Variants in MYCBP2 observed in about 807,000 individuals in gnomAD.
MYCBP2 encodes E3 ubiquitin-protein ligase MYCBP2.
Under a neutral mutation model 525.3 loss-of-function variants are expected in MYCBP2, and 120 were observed. That is an observed-to-expected ratio of 0.23 (90% CI 0.20 to 0.27). The LOEUF (loss-of-function observed/expected upper bound fraction) is 0.27. Ranked by LOEUF, MYCBP2 falls within the 10% of genes least tolerant of loss-of-function variation. MYCBP2 has a pLI of 1.00. For synonymous variants in MYCBP2, 1,894 were observed against 1,955.8 expected (o/e 0.97, Z 0.83); for missense variants, 4,149 against 5,657.1 (o/e 0.73, Z 8.55).
chr13:77,253,021 A>T (rs115438215), intron 14 of MYCBP2, among the ~76,000 whole-genome samples: 1 of 152,184 alleles, frequency 6.6e-6, no homozygotes, highest in Admixed American at 6.5e-5. Context: ...ACCAGGCTAC[A>T]TTCATCAAAA....
chr13:77,224,477 C>T lies in MYCBP2; in HGVS notation c.2913G>A (p.Gln971=), dbSNP rs776143027. 6.2e-7 allele frequency: 1 copy of T among 1,609,586 alleles called. No individual in the cohort carries two copies. The highest frequency in any genetic ancestry group is 8.5e-7 in the Non-Finnish European group (1 of 1,177,528). The change falls in exon 20 of 83, where the codon CAG becomes CAA. Residue 971 remains glutamine (Q), a synonymous_variant. Transcript: ENST00000544440. Reference sequence around the variant, plus strand: ...TGGAGTTGACATCTCCATGTCCTAGCTGCCCATGCTGCCCATAACCAAATG... The same window carrying T: ...TGGAGTTGACATCTCCATGTCCTAGTTGCCCATGCTGCCCATAACCAAATG... ...VYTFGYGQHG[Q]LGHGDVNSRG...
At chr13:77,095,642 C>T (rs373238281) in intron 57 of MYCBP2, 40 bp from the exon 58 acceptor site, 35 of 1,587,842 alleles carry the variant, frequency 2.2e-5, no homozygotes, top group African/African-American at 2.7e-5. Context: ...TTCTGACTTA[C>T]ATTAAAATCC....
At chr13:77,220,903 C>T (rs2065455581) in intron 20 of MYCBP2, among the ~76,000 whole-genome samples, 1 of 152,178 alleles carries the variant, frequency 6.6e-6, no homozygotes, top group Non-Finnish European at 1.5e-5. Flanking sequence ...TCCGTTGTAG[C>T]TCTGCCCACA....
chr13:77,067,991 A>G, intron 70 of MYCBP2, 127 bp from the exon 71 acceptor site: 4 of 862,222 alleles, frequency 4.6e-6, no homozygotes, highest in Non-Finnish European at 6.9e-6. Flanking sequence ...GCAGTGGAGC[A>G]ACCACAGCTC....
At chr13:77,313,061 G>T (rs2080467732) in intron 1 of MYCBP2, among the ~76,000 whole-genome samples, 1 of 151,570 alleles carries the variant, frequency 6.6e-6, no homozygotes, top group Non-Finnish European at 1.5e-5. Context: ...ATCATACAAG[G>T]TTTATATTAG....
At chr13:77,213,705 TA>T (rs1443816254) in intron 21 of MYCBP2, among the ~76,000 whole-genome samples, 1 of 152,170 alleles carries the variant, frequency 6.6e-6, no homozygotes, top group Non-Finnish European at 1.5e-5. Context: ...TTTAAATTCA[TA>T]AAAGTTCACA....
intron 62 of MYCBP2, among the ~76,000 whole-genome samples, chr13:77,083,868 C>T (rs1418723076): frequency 1.3e-5 from 2 of 152,110 alleles, no homozygotes; most frequent in Non-Finnish European, 2.9e-5. Flanking sequence ...AGATGCCCTC[C>T]CACTGGCAAT....
At chr13:77,050,208 A>G (rs1417705811) in intron 82 of MYCBP2, among the ~76,000 whole-genome samples, 1 of 152,158 alleles carries the variant, frequency 6.6e-6, no homozygotes, top group East Asian at 1.9e-4. Context: ...TTTGAGAGGC[A>G]CTATTAAGCT....
chr13:77,325,859 A>G lies in MYCBP2; in HGVS notation c.302+615T>C, dbSNP rs1340644481. On this transcript the variant is annotated intron_variant, in intron 1 of 82. Coordinates refer to ENST00000544440, the MANE Select transcript of MYCBP2 (RefSeq NM_015057.5). ...TCAGACACCTTTCGCATCCACACAG[A>G]TCTCCATCTGCGTCCCTTATTCATA... is the stretch of plus-strand genomic sequence containing the variant. Among the ~76,000 whole-genome samples the G allele has an allele frequency of 2.0e-5, 3 of 152,090 alleles. No individual in the cohort carries two copies. In the South Asian group the frequency reaches 6.2e-4, roughly 32 times the overall value.
At chr13:77,290,754 C>T (rs9565334) in intron 2 of MYCBP2, among the ~76,000 whole-genome samples, 86,133 of 152,050 alleles carry the variant, frequency 0.57, 27,617 homozygotes, top group Non-Finnish European at 0.72. Context: ...CACAGAGAAT[C>T]CTTGTGATGG....
intron 63 of MYCBP2, 23 bp from the exon 64 acceptor site, chr13:77,082,016 A>G (rs1431832031): frequency 2.5e-6 from 4 of 1,600,290 alleles, no homozygotes; most frequent in Non-Finnish European, 3.4e-6. Context: ...TATATAAGCA[A>G]TATACGAAAT....
At chr13:77,294,127 T>TATATATATATATATATATAC (rs1350132831) in intron 2 of MYCBP2, among the ~76,000 whole-genome samples, 24 of 60,856 alleles carry the variant, frequency 3.9e-4, no homozygotes, top group Non-Finnish European at 6.9e-4. Flanking sequence ...TATATATATA[T>TATATATATATATATATATAC]ATACATATAT....
intron 27 of MYCBP2, among the ~76,000 whole-genome samples, chr13:77,192,511 T>G (rs1362296378): frequency 6.6e-6 from 1 of 152,186 alleles, no homozygotes; most frequent in Non-Finnish European, 1.5e-5. Flanking sequence ...AAGGAATGTT[T>G]ATTGGTTGTA....
At chr13:77,246,638 GAAGA>G (rs1435274607) in intron 15 of MYCBP2, among the ~76,000 whole-genome samples, 2 of 139,580 alleles carry the variant, frequency 1.4e-5, no homozygotes, top group Admixed American at 7.6e-5. Context: ...AGGAGAAAGA[GAAGA>G]AAGGGAGGAG....
At position 77,150,763 on chromosome 13, in the gene MYCBP2, C is replaced by T; in HGVS notation, c.7102G>A (p.Ala2368Thr). 1 of 1,613,998 alleles carries T rather than the reference C, an allele frequency of 6.2e-7. No individual in the cohort carries two copies. The highest frequency in any genetic ancestry group is 8.5e-7 in the Non-Finnish European group (1 of 1,179,976). The change falls in exon 47 of 83, where the codon GCT becomes ACT. Residue 2368 changes from alanine (A) to threonine (T), a missense_variant. Coordinates refer to ENST00000544440, the MANE Select transcript of MYCBP2 (RefSeq NM_015057.5). ...VSYEPMIVKE[A>T]RYIAITMMKV... ...ATCATTGTTATGGCAATATATCGAG[C>T]TTCCTTCACTATCATTGGTTCATAT... is the stretch of plus-strand genomic sequence containing the variant.
rs1334720267 is a variant in MYCBP2 at position 77,273,609 on chromosome 13, T to A, written c.808A>T (p.Thr270Ser). 2 of 1,599,330 alleles carry A rather than the reference T, an allele frequency of 1.3e-6. No homozygotes were observed. The highest frequency in any genetic ancestry group is 2.3e-5 in the South Asian group (2 of 87,602). The change falls in exon 5 of 83, where the codon ACA becomes TCA. Residue 270 changes from threonine (T) to serine (S), a missense_variant. Around this residue, in one of 21 missense-constraint regions of MYCBP2, gnomAD observed 413 missense variants for 451.2 expected, o/e 0.92. Coordinates refer to ENST00000544440, the MANE Select transcript of MYCBP2 (RefSeq NM_015057.5). ...TVRSTGMNDS[T>S]GQSLTALSCA... ...GAAAGTGCTGTTAAGGACTGTCCTG[T>A]GCTGTCATTCATCCCAGTACTTCGA... is the stretch of plus-strand genomic sequence containing the variant.
chr13:77,267,898 T>C lies in MYCBP2; in HGVS notation c.1300A>G (p.Thr434Ala), dbSNP rs1594493760. Residue 434 changes from threonine to alanine, a missense_variant, in exon 8 of 83, where the codon ACA becomes GCA. Thr to Ala is a moderately conservative substitution (Grantham distance 58, BLOSUM62 0). Coordinates refer to ENST00000544440, the MANE Select transcript of MYCBP2 (RefSeq NM_015057.5). The stretch of plus-strand genomic sequence containing the variant: ...GTTTCAGGGCTTATCCTTATGGCTG[T>C]CATGCTGTGGTTATTCACATCTCTA... ...LYRDVNNHSM[T>A]AIRISPETLE... The C allele has an allele frequency of 1.2e-6, 2 of 1,613,820 alleles. No individual in the cohort carries two copies. The highest frequency in any genetic ancestry group is 1.7e-6 in the Non-Finnish European group (2 of 1,179,914).
intron 56 of MYCBP2, 70 bp from the exon 57 acceptor site, chr13:77,096,551 T>A: frequency 1.3e-6 from 2 of 1,492,416 alleles, no homozygotes; most frequent in East Asian, 4.7e-5. Flanking sequence ...TTATTACTCA[T>A]ACATTAATGA....
rs139114119 is a variant in MYCBP2, at chr13:77,098,300, C to T, written c.8854G>A (p.Asp2952Asn). 25 of 1,611,590 alleles carry T rather than the reference C, an allele frequency of 1.6e-5. No individual in the cohort carries two copies. Among genetic ancestry groups the T allele is most frequent in the Middle Eastern group, 3.3e-4 (2 of 6,072 alleles). The change falls in exon 56 of 83, where the codon GAT (aspartate) becomes AAT (asparagine). Residue 2952 changes from aspartate to asparagine, a missense_variant. Transcript: ENST00000544440. The part of the protein sequence containing the change: ...KTNSLTDSTC[D>N]DSSEFKSVDE... The stretch of plus-strand genomic sequence containing the variant: ...ACACTCTTAAATTCACTGCTGTCAT[C>T]GCAGGTGCTGTCTGTTAGACTATTT...
Sources: gnomAD v4.1 joint callset for allele counts (sites outside exome capture counted in the v4.1 genomes callset) on GRCh38, gnomAD v4.1.1 for gene constraint, gnomAD v4.1.1 regional missense constraint, MANE v1.5 for transcripts, NCBI Gene and HGNC (gene_info 2026-07-23, HGNC 2026-07-21) for gene names.